NTN1: variants seen among roughly 807,000 people sequenced by gnomAD.
NTN1 encodes the protein netrin 1.
NTN1 carries 11 observed loss-of-function variants against 54.2 expected under a neutral mutation model. The ratio of observed to expected loss-of-function variants is 0.20; its 90% CI spans 0.13 to 0.34. The LOEUF is 0.34. Among genes scored for constraint, NTN1 ranks in the 10% least tolerant of loss-of-function variants. The pLI is 1.00. For synonymous variants in NTN1, 371 were observed against 382.0 expected (o/e 0.97, Z 0.33); for missense variants, 740 against 893.1 (o/e 0.83, Z 2.18).
chr17:9,012,869 T>C, the NTN1 span, among the ~76,000 whole-genome samples: 1 of 152,258 alleles, frequency 6.6e-6, no homozygotes, highest in African/African-American at 2.4e-5. Context: ...TCCTGTTTCA[T>C]TTCCAATTCT....
chr17:9,143,927 G>A (rs569870613), intron 2 of NTN1, among the ~76,000 whole-genome samples: 40 of 145,890 alleles, frequency 2.7e-4, no homozygotes, highest in Non-Finnish European at 4.3e-4. Context: ...ATGGAATTTC[G>A]CTCTTGTTGC....
At chr17:9,125,821 G>A (rs1002179724) in intron 2 of NTN1, among the ~76,000 whole-genome samples, 10 of 152,170 alleles carry the variant, frequency 6.6e-5, no homozygotes, top group African/African-American at 2.4e-4. Context: ...CAGAGTGGAT[G>A]CTCCATAAAT....
intron 2 of NTN1, among the ~76,000 whole-genome samples, chr17:9,037,749 G>A (rs1420806470): frequency 1.3e-5 from 2 of 152,152 alleles, no homozygotes; most frequent in Non-Finnish European, 2.9e-5. Context: ...GGGGCATTTG[G>A]AAGGTCCAGG....
At chr17:9,159,567 C>T (rs991389555) in intron 2 of NTN1, among the ~76,000 whole-genome samples, 3 of 151,958 alleles carry the variant, frequency 2.0e-5, no homozygotes, top group South Asian at 2.1e-4. Flanking sequence ...TTTGGGAGAC[C>T]GAGGTGGGTG....
chr17:9,051,469 A>G lies in NTN1; in HGVS notation c.1018+28078A>G, dbSNP rs540897490. Among the ~76,000 whole-genome samples the G allele has an allele frequency of 1.1e-4, 16 of 152,328 alleles. 5 individuals carry two copies. Among genetic ancestry groups the G allele is most frequent in the African/African-American group, 3.8e-4 (16 of 41,582 alleles). Reference sequence around the variant, plus strand: ...GTGGGGCTCCTTGTACCTGTCTTCAATTCCAACCCCTCTCCACTTTGCAGT... The same window carrying G: ...GTGGGGCTCCTTGTACCTGTCTTCAGTTCCAACCCCTCTCCACTTTGCAGT... On this transcript the variant is annotated intron_variant, in intron 2 of 6. Coordinates refer to ENST00000173229, the MANE Select transcript of NTN1 (RefSeq NM_004822.3).
intron 2 of NTN1, among the ~76,000 whole-genome samples, chr17:9,029,584 T>C (rs2091882560): frequency 6.6e-6 from 1 of 152,226 alleles, no homozygotes; most frequent in South Asian, 2.1e-4. Context: ...TCTGCTCTCA[T>C]GAGGTTTGAC....
chr17:9,046,188 A>G (rs2091940879), intron 2 of NTN1, among the ~76,000 whole-genome samples: 1 of 152,250 alleles, frequency 6.6e-6, no homozygotes, highest in African/African-American at 2.4e-5. Context: ...AATAAATCTT[A>G]GAACTCAACA....
the NTN1 span, among the ~76,000 whole-genome samples, chr17:9,011,413 G>T: frequency 6.6e-6 from 1 of 152,146 alleles, no homozygotes; most frequent in Non-Finnish European, 1.5e-5. Flanking sequence ...CTTCTGTCTT[G>T]TCAGATTTCC....
chr17:9,233,274 T>A (rs1460328976), intron 6 of NTN1, among the ~76,000 whole-genome samples: 3 of 152,014 alleles, frequency 2.0e-5, no homozygotes. Context: ...CTGCGGCCAC[T>A]CCCCCAGGGC....
intron 5 of NTN1, among the ~76,000 whole-genome samples, chr17:9,215,087 A>G (rs1905187049): frequency 6.6e-6 from 1 of 152,198 alleles, no homozygotes; most frequent in Non-Finnish European, 1.5e-5. Context: ...AGTTGATCTA[A>G]TAGCTCTTAC....
chr17:9,036,188 A>G (rs1567695755), intron 2 of NTN1, among the ~76,000 whole-genome samples: 2 of 149,316 alleles, frequency 1.3e-5, no homozygotes, highest in Admixed American at 1.3e-4. Context: ...CAGTGGTTAA[A>G]CTCTCTATTT....
intron 6 of NTN1, among the ~76,000 whole-genome samples, chr17:9,237,420 C>T (rs1296542878): frequency 6.6e-6 from 1 of 152,128 alleles, no homozygotes; most frequent in African/African-American, 2.4e-5. Flanking sequence ...TTTAAAGACC[C>T]TATCTCCAAG....
At chr17:9,036,603 G>A (rs1490007252) in intron 2 of NTN1, among the ~76,000 whole-genome samples, 1 of 151,956 alleles carries the variant, frequency 6.6e-6, no homozygotes, top group Non-Finnish European at 1.5e-5. Flanking sequence ...AGGAAAACTA[G>A]TAATACTGGG....
chr17:9,133,586 ATT>A (rs544456345), intron 2 of NTN1, among the ~76,000 whole-genome samples: 2,890 of 130,928 alleles, frequency 0.022, 75 homozygotes, highest in African/African-American at 0.074. Context: ...TTCTCATTGA[ATT>A]TTTTTTTTTT....
chr17:9,237,622 G>A (rs1906033990), intron 6 of NTN1, among the ~76,000 whole-genome samples: 1 of 152,186 alleles, frequency 6.6e-6, no homozygotes, highest in South Asian at 2.1e-4. Flanking sequence ...GCTGGCTGGG[G>A]ACACCACAGC....
intron 4 of NTN1, among the ~76,000 whole-genome samples, chr17:9,182,250 T>C (rs56027799): frequency 0.36 from 54,597 of 152,126 alleles, 10,215 homozygotes; most frequent in Middle Eastern, 0.49. Context: ...CCCAAACGTG[T>C]TGGGATGACA....
upstream of NTN1, among the ~76,000 whole-genome samples, chr17:9,019,792 G>A (rs2091839883): frequency 6.6e-6 from 1 of 152,186 alleles, no homozygotes. Flanking sequence ...GGTCACCATG[G>A]TTAACCATTT....
chr17:9,082,909 A>C (rs769445923), intron 2 of NTN1, among the ~76,000 whole-genome samples: 4 of 152,028 alleles, frequency 2.6e-5, no homozygotes, highest in Non-Finnish European at 2.9e-5. Flanking sequence ...GTTTTAGCTG[A>C]GGGGAGGATT....
chr17:9,226,125 G>T (rs532373295), intron 6 of NTN1, among the ~76,000 whole-genome samples: 1 of 139,274 alleles, frequency 7.2e-6, no homozygotes, highest in Admixed American at 7.9e-5. Context: ...GCTCCCGTAG[G>T]CTTAAGGGCA....
Sources: gnomAD v4.1 joint callset for allele counts (sites outside exome capture counted in the v4.1 genomes callset) on GRCh38, gnomAD v4.1.1 for gene constraint, MANE v1.5 for transcripts, NCBI Gene and HGNC (gene_info 2026-07-23, HGNC 2026-07-21) for gene names.